Variants in DENND4B observed in about 807,000 individuals in gnomAD.
DENND4B encodes the protein DENN domain containing 4B, also known as DENN domain-containing protein 4B.
DENND4B carries 67 observed loss-of-function variants against 161.0 expected under a neutral mutation model. That is an observed-to-expected ratio of 0.42 (90% CI 0.34 to 0.51). DENND4B has a LOEUF of 0.51. Ranked by LOEUF, DENND4B falls within the 20% of genes least tolerant of loss-of-function variation. The pLI is 0.08. For missense variants in DENND4B, 1,481 were observed against 1,968.0 expected (o/e 0.75, Z 4.68); for synonymous variants, 753 against 813.8 (o/e 0.93, Z 1.27).
At position 153,937,693 on chromosome 1, in the gene DENND4B, C is replaced by G; in HGVS notation, c.2105+31G>C. Reference sequence around the variant, plus strand: ...TTGGACTGGACCAGTCTATGGGACCCTGGAACATGTGAAGGCTAAGAGACT... The same window carrying G: ...TTGGACTGGACCAGTCTATGGGACCGTGGAACATGTGAAGGCTAAGAGACT... On this transcript the variant is annotated intron_variant, in intron 14 of 27. Coordinates refer to ENST00000361217, the MANE Select transcript of DENND4B (RefSeq NM_014856.3). The surrounding 1 kb of genome is among the most constrained non-coding windows in gnomAD (Gnocchi z 4.7). The G allele has an allele frequency of 5.6e-6, 9 of 1,613,952 alleles. No individual in the cohort carries two copies. Among genetic ancestry groups the G allele is most frequent in the Non-Finnish European group, 6.8e-6 (8 of 1,179,858 alleles).
chr1:153,935,440 G>A lies in DENND4B; in HGVS notation c.2569-476C>T, dbSNP rs112568985. Reference sequence around the variant, plus strand: ...TGGCTCACTGCAACCTCTGCCTCCCGGGTTCAAGTGATTCTCTTGCCTCAG... The same window carrying A: ...TGGCTCACTGCAACCTCTGCCTCCCAGGTTCAAGTGATTCTCTTGCCTCAG... On this transcript the variant is annotated intron_variant, in intron 17 of 27. Transcript: ENST00000361217. Among the ~76,000 whole-genome samples the A allele has an allele frequency of 2.8e-3, 425 of 152,266 alleles. 2 individuals carry two copies. The highest frequency in any genetic ancestry group is 7.0e-3 in the African/African-American group (289 of 41,554).
Position 153,940,344 on chromosome 1 carries a change from A to C in DENND4B, c.1502+87T>G. On this transcript the variant is annotated intron_variant, in intron 10 of 27. Coordinates refer to ENST00000361217, the MANE Select transcript of DENND4B (RefSeq NM_014856.3). This position sits in a 1 kb window ranked among gnomAD's most constrained non-coding sequence, Gnocchi z 5.6. ...GCCAGCCTCCCTCACTTTGTGCCTGAAGCTCTTTTTGAGCCCGTAGCACTC... is the reference window on the plus strand; with the variant it reads ...GCCAGCCTCCCTCACTTTGTGCCTGCAGCTCTTTTTGAGCCCGTAGCACTC... 6.4e-7 allele frequency: 1 copy of C among 1,565,860 alleles called. No individual in the cohort carries two copies. The highest frequency in any genetic ancestry group is 1.4e-5 in the African/African-American group (1 of 74,030).
chr1:153,934,972 G>A lies in DENND4B; in HGVS notation c.2569-8C>T. ...CTTGCTTTCCAACACAGCCTACCAAGCACAGTGCCCATCAGGATGGCCTAC... is the reference window on the plus strand; with the variant it reads ...CTTGCTTTCCAACACAGCCTACCAAACACAGTGCCCATCAGGATGGCCTAC... On this transcript the variant is annotated splice_polypyrimidine_tract_variant and splice_region_variant and intron_variant, in intron 17 of 27. Coordinates refer to ENST00000361217, the MANE Select transcript of DENND4B (RefSeq NM_014856.3). This position sits in a 1 kb window ranked among gnomAD's most constrained non-coding sequence, Gnocchi z 5.3. 1 of 1,609,498 alleles carries A rather than the reference G, an allele frequency of 6.2e-7. No homozygotes were observed. The highest frequency in any genetic ancestry group is 8.5e-7 in the Non-Finnish European group (1 of 1,179,796).
At chr1:153,941,486 C>G in intron 6 of DENND4B, 46 bp from the exon 7 acceptor site, 1 of 1,559,430 alleles carries the variant, frequency 6.4e-7, no homozygotes, top group South Asian at 1.2e-5. Flanking sequence ...CCGTCCATCC[C>G]TGTCCTCCCT....
chr1:153,934,422 G>A lies in DENND4B; in HGVS notation c.2774-120C>T, dbSNP rs1455207812. ...GTTCCTCCCAGGCAAAACTTTATCC[G>A]TTTTGTGTTTGTTTGTTTGTTTGTT... On this transcript the variant is annotated intron_variant, in intron 18 of 27. Coordinates refer to ENST00000361217, the MANE Select transcript of DENND4B (RefSeq NM_014856.3). This position sits in a 1 kb window ranked among gnomAD's most constrained non-coding sequence, Gnocchi z 5.3. 1.3e-5 allele frequency: 17 copies of A among 1,332,224 alleles called. No homozygotes were observed. Among genetic ancestry groups the A allele is most frequent in the East Asian group, 5.1e-5 (2 of 39,366 alleles). The allele number at this position is 1,332,224 out of a possible 1,614,324, so 82.5% of individuals were successfully genotyped here.
In DENND4B at chr1:153,934,177, C is replaced by T. The variant is rs2102019791; in HGVS notation, c.2899G>A (p.Ala967Thr). The T allele has an allele frequency of 1.3e-6, 2 of 1,594,778 alleles. No individual in the cohort carries two copies. The highest frequency in any genetic ancestry group is 1.7e-6 in the Non-Finnish European group (2 of 1,174,554). ...RLVKSGSLGS[A>T]RGAQPTVEAG... ...TCCACAGTGGGCTGTGCCCCTCGGG[C>T]ACTGCCCAGGCTACCACTCTTCACC... The change falls in exon 19 of 28, where the codon GCC (alanine) becomes ACC (threonine). Residue 967 changes from alanine (A) to threonine (T), a missense_variant. Ala to Thr is a moderately conservative substitution (Grantham distance 58). Transcript: ENST00000361217. The surrounding 1 kb of genome is among the most constrained non-coding windows in gnomAD (Gnocchi z 5.3).
chr1:153,939,688 T>C lies in DENND4B; in HGVS notation c.1720A>G (p.Met574Val). The change falls in exon 12 of 28, where the codon ATG becomes GTG. Residue 574 changes from methionine to valine, a missense_variant. Met to Val is a conservative substitution (Grantham distance 21, BLOSUM62 1). Around this residue, in one of 3 missense-constraint regions of DENND4B, gnomAD observed 806 missense variants for 1,134.4 expected, o/e 0.71. Coordinates refer to ENST00000361217, the MANE Select transcript of DENND4B (RefSeq NM_014856.3). ...REVQGAFLRF[M>V]ACLLKGYRVF... ...CGGTAGCCCTTGAGCAGACAGGCCA[T>C]GAAGCGGAGGAAGGCTCCTTGGACT... 6.2e-7 allele frequency: 1 copy of C among 1,613,938 alleles called. No homozygotes were observed. The highest frequency in any genetic ancestry group is 8.5e-7 in the Non-Finnish European group (1 of 1,179,890).
At position 153,944,720 on chromosome 1, in the gene DENND4B, A is replaced by C. The variant is rs931778183; in HGVS notation, c.-23-323T>G. On this transcript the variant is annotated intron_variant, in intron 1 of 27. Transcript: ENST00000361217. This position sits in a 1 kb window ranked among gnomAD's most constrained non-coding sequence, Gnocchi z 4.8. ...CCAGTTATAACATCACAGAGATCACAATCTTTTTTGTAATAGCCTTCCATG... is the reference window on the plus strand; with the variant it reads ...CCAGTTATAACATCACAGAGATCACCATCTTTTTTGTAATAGCCTTCCATG... Among the ~76,000 whole-genome samples, 1 of 152,190 alleles carries C rather than the reference A, an allele frequency of 6.6e-6. No individual in the cohort carries two copies. Among genetic ancestry groups the C allele is most frequent in the Non-Finnish European group, 1.5e-5 (1 of 68,040 alleles).
chr1:153,939,678 A>T lies in DENND4B; in HGVS notation c.1730T>A (p.Leu577Gln). ...CAGGAAGACCCGGTAGCCCTTGAGCAGACAGGCCATGAAGCGGAGGAAGGC... is the reference window on the plus strand; with the variant it reads ...CAGGAAGACCCGGTAGCCCTTGAGCTGACAGGCCATGAAGCGGAGGAAGGC... Reference protein sequence around the residue: ...QGAFLRFMACLLKGYRVFLRP... With the variant: ...QGAFLRFMACQLKGYRVFLRP... The change falls in exon 12 of 28, where the codon CTG becomes CAG. Residue 577 changes from leucine (L) to glutamine (Q), a missense_variant. Transcript: ENST00000361217. 1 of 1,613,956 alleles carries T rather than the reference A, an allele frequency of 6.2e-7. No individual in the cohort carries two copies. The highest frequency in any genetic ancestry group is 8.5e-7 in the Non-Finnish European group (1 of 1,179,880).
Position 153,936,604 on chromosome 1 carries a change from G to A in DENND4B, c.2377C>T (p.Leu793=), listed in dbSNP as rs1478892048. ...CGCAGCACATGGTAGGCTGTGTGCA[G>A]TGCCTGCACTCGGGAGGGTGCCGAC... is the stretch of plus-strand genomic sequence containing the variant. ...VRSAPSRVQA[L]HTAYHVLRQM... Residue 793 remains leucine (L), a synonymous_variant, in exon 16 of 28, where the codon CTG becomes TTG. Coordinates refer to ENST00000361217, the MANE Select transcript of DENND4B (RefSeq NM_014856.3). This position sits in a 1 kb window ranked among gnomAD's most constrained non-coding sequence, Gnocchi z 4.1. The A allele has an allele frequency of 6.2e-6, 10 of 1,612,400 alleles. No individual in the cohort carries two copies. Among genetic ancestry groups the A allele is most frequent in the Non-Finnish European group, 8.5e-6 (10 of 1,179,122 alleles).
chr1:153,937,401 T>C lies in DENND4B; in HGVS notation c.2232+87A>G, dbSNP rs1176591553. ...AACCTCATGGGTTAAGTATTATTGT[T>C]ATACCCATTTTGTAGATGAGGAAAC... On this transcript the variant is annotated intron_variant, in intron 15 of 27. Coordinates refer to ENST00000361217, the MANE Select transcript of DENND4B (RefSeq NM_014856.3). This position sits in a 1 kb window ranked among gnomAD's most constrained non-coding sequence, Gnocchi z 4.7. 6.1e-5 allele frequency: 89 copies of C among 1,448,232 alleles called. No individual in the cohort carries two copies. In the South Asian group the frequency reaches 1.2e-3, roughly 20 times the overall value. 89.7% of individuals were successfully genotyped at this position (1,448,232 alleles called of 1,614,324 possible). A position where few individuals can be genotyped will look rare whatever the true frequency, so the allele number is the denominator to read the frequency against.
Position 153,940,157 on chromosome 1 carries a change from C to G in DENND4B, c.1602G>C (p.Gln534His). The G allele has an allele frequency of 1.3e-6, 2 of 1,566,128 alleles. No individual in the cohort carries two copies. The highest frequency in any genetic ancestry group is 1.7e-6 in the Non-Finnish European group (2 of 1,159,260). ...TCCCTCCCCACCCAGGCTTCTCACT[C>G]TGGTCCAGCTGCTGGTACAGGTTTG... The part of the protein sequence containing the change: ...TLTNLYQQLD[Q>H]TYTGPEEEAS... The change falls in exon 11 of 28, where the codon CAG (glutamine) becomes CAC (histidine). Residue 534 changes from glutamine (Q) to histidine (H), a missense_variant and splice_region_variant. By Grantham distance (24) the Gln-to-His change is conservative. Coordinates refer to ENST00000361217, the MANE Select transcript of DENND4B (RefSeq NM_014856.3). The surrounding 1 kb of genome is among the most constrained non-coding windows in gnomAD (Gnocchi z 5.6).
In DENND4B at chr1:153,943,043, A is replaced by T; in HGVS notation, c.405T>A (p.Pro135=). The change falls in exon 3 of 28, where the codon CCT becomes CCA. Residue 135 remains proline (P), a synonymous_variant. Transcript: ENST00000361217. ...TPYSHSANLA[P]PGPGHPRTYL... The stretch of plus-strand genomic sequence containing the variant: ...AGGTGCGGGGGTGCCCGGGGCCTGG[A>T]GGGGCCAGGTTTGCTGAGTGGCTGT... 6.2e-7 allele frequency: 1 copy of T among 1,613,978 alleles called. No homozygotes were observed. Among genetic ancestry groups the T allele is most frequent in the Non-Finnish European group, 8.5e-7 (1 of 1,179,880 alleles).
chr1:153,934,088 T>C lies in DENND4B; in HGVS notation c.2941+47A>G. 6.6e-7 allele frequency: 1 copy of C among 1,503,806 alleles called. No homozygotes were observed. Among genetic ancestry groups the C allele is most frequent in the Non-Finnish European group, 8.8e-7 (1 of 1,131,518 alleles). The allele number at this position is 1,503,806 out of a possible 1,614,324, so 93.2% of individuals were successfully genotyped here. A position where few individuals can be genotyped will look rare whatever the true frequency, so the allele number is the denominator to read the frequency against. On this transcript the variant is annotated intron_variant, in intron 19 of 27. Coordinates refer to ENST00000361217, the MANE Select transcript of DENND4B (RefSeq NM_014856.3). This position sits in a 1 kb window ranked among gnomAD's most constrained non-coding sequence, Gnocchi z 5.3. ...CTTCCCCACCTCACTAGCAAGTGGT[T>C]AGGAAAGCTGACTGGGGGAGTGAGG...
rs750066286 is a variant in DENND4B, at chr1:153,937,833, T to C, written c.1996A>G (p.Thr666Ala). 6 of 1,613,962 alleles carry C rather than the reference T, an allele frequency of 3.7e-6. No individual in the cohort carries two copies. The East Asian group carries it at 1.3e-4, about 36-fold the overall frequency. ...VHPEQEKPEP[T>A]PLVELEELSG... The stretch of plus-strand genomic sequence containing the variant: ...AGCTCCTCTAGCTCCACTAAGGGTG[T>C]CGGCTCAGGCTTCTCCTGCTCTGGG... The change falls in exon 14 of 28, where the codon ACA (threonine) becomes GCA (alanine). Residue 666 changes from threonine (T) to alanine (A), a missense_variant. Thr to Ala is a moderately conservative substitution (Grantham distance 58). Transcript: ENST00000361217. This position sits in a 1 kb window ranked among gnomAD's most constrained non-coding sequence, Gnocchi z 4.7.
chr1:153,932,452 A>G lies in DENND4B; in HGVS notation c.3760-12T>C, dbSNP rs1318942090. Reference sequence around the variant, plus strand: ...CGCCGGGAGGCTCCCTATCAGGCACAAAGGGGGAGGGCAGTAGAGGGCATG... The same window carrying G: ...CGCCGGGAGGCTCCCTATCAGGCACGAAGGGGGAGGGCAGTAGAGGGCATG... On this transcript the variant is annotated splice_polypyrimidine_tract_variant and intron_variant, in intron 23 of 27. Coordinates refer to ENST00000361217, the MANE Select transcript of DENND4B (RefSeq NM_014856.3). This position sits in a 1 kb window ranked among gnomAD's most constrained non-coding sequence, Gnocchi z 5.8. 1 of 1,597,864 alleles carries G rather than the reference A, an allele frequency of 6.3e-7. No homozygotes were observed. Among genetic ancestry groups the G allele is most frequent in the Non-Finnish European group, 8.5e-7 (1 of 1,172,350 alleles).
At chr1:153,935,032 T>C (rs1368954797) in intron 17 of DENND4B, 68 bp from the exon 18 acceptor site, 2 of 1,579,074 alleles carry the variant, frequency 1.3e-6, no homozygotes, top group Non-Finnish European at 1.7e-6. Context: ...ACCCACTCCC[T>C]GTCTTGGAGC....
Position 153,932,710 on chromosome 1 carries a change from G to A in DENND4B, c.3691C>T (p.Pro1231Ser), listed in dbSNP as rs746634575. ...KDAPVPGGPG[P>S]VLSDRRLCLA... ...CAGAGCCTTCGGTCACTGAGCACAG[G>A]GCCAGGACCACCAGGGACAGGAGCA... The change falls in exon 23 of 28, where the codon CCT becomes TCT. Residue 1231 changes from proline to serine, a missense_variant. Pro to Ser is a moderately conservative substitution (Grantham distance 74). This residue lies in a region of DENND4B where 336 missense variants were observed against 503.3 expected (regional missense o/e 0.67). Transcript: ENST00000361217. The surrounding 1 kb of genome is among the most constrained non-coding windows in gnomAD (Gnocchi z 5.8). 2 of 1,614,052 alleles carry A rather than the reference G, an allele frequency of 1.2e-6. No homozygotes were observed. The highest frequency in any genetic ancestry group is 1.7e-6 in the Non-Finnish European group (2 of 1,179,896).
In DENND4B at chr1:153,941,454, A is replaced by T; in HGVS notation, c.1056-14T>A. 4 of 1,609,012 alleles carry T rather than the reference A, an allele frequency of 2.5e-6. No homozygotes were observed. Among genetic ancestry groups the T allele is most frequent in the Non-Finnish European group, 3.4e-6 (4 of 1,178,382 alleles). On this transcript the variant is annotated splice_polypyrimidine_tract_variant and intron_variant, in intron 6 of 27. Coordinates refer to ENST00000361217, the MANE Select transcript of DENND4B (RefSeq NM_014856.3). The stretch of plus-strand genomic sequence containing the variant: ...TGGGAGATGTGCCTGGGGGACAGAG[A>T]AACAGGTCAGAGCATACTCCCCCGT...
Sources: allele counts gnomAD v4.1 joint callset (sites outside exome capture counted in the v4.1 genomes callset), GRCh38; gene constraint gnomAD v4.1.1; regional missense constraint gnomAD v4.1.1; non-coding constraint Gnocchi (gnomAD v3.1); transcripts MANE v1.5; gene names NCBI Gene and HGNC (gene_info 2026-07-23, HGNC 2026-07-21).